The following MID2 variants were observed in gnomAD, a reference collection of about 807,000 sequenced individuals.
MID2 encodes probable E3 ubiquitin-protein ligase MID2.
A neutral mutation model predicts 46.1 loss-of-function variants in MID2; 13 were observed. The observed-to-expected ratio is 0.28, with a 90% CI of 0.18 to 0.45. The LOEUF (loss-of-function observed/expected upper bound fraction) is 0.45. Among genes scored for constraint, MID2 ranks in the 20% least tolerant of loss-of-function variants. The pLI is 1.00. For missense variants in MID2, 431 were observed against 575.4 expected (o/e 0.75, Z 2.57); for synonymous variants, 199 against 212.3 (o/e 0.94, Z 0.55).
At chrX:107,913,509 T>C (rs910819178) in intron 5 of MID2, among the ~76,000 whole-genome samples, 5 of 112,623 alleles carry the variant, frequency 4.4e-5, no homozygotes, top group African/African-American at 1.6e-4. Flanking sequence ...TATGTATCAA[T>C]TTCAATCCTA....
At chrX:107,893,025 T>C (rs1932637527) in intron 3 of MID2, among the ~76,000 whole-genome samples, 1 of 112,576 alleles carries the variant, frequency 8.9e-6, no homozygotes, top group Non-Finnish European at 1.9e-5. Context: ...AACAGTAAAA[T>C]TTGTTCAATG....
intron 1 of MID2, among the ~76,000 whole-genome samples, chrX:107,828,301 C>CTTTCT (rs1434201602): frequency 5.4e-5 from 5 of 92,703 alleles, no homozygotes; most frequent in African/African-American, 2.5e-4. Context: ...TCTTTTCTTT[C>CTTTCT]TTTCTTTTCT....
chrX:107,832,668 A>T (rs746811778), intron 1 of MID2, among the ~76,000 whole-genome samples: 1 of 111,430 alleles, frequency 9.0e-6, no homozygotes, highest in South Asian at 3.9e-4. Context: ...CTGTATTATG[A>T]GGGTCAAATG....
At chrX:107,871,455 C>T (rs976467857) in intron 3 of MID2, among the ~76,000 whole-genome samples, 10 of 111,698 alleles carry the variant, frequency 9.0e-5, no homozygotes, top group African/African-American at 3.3e-4. Context: ...TCCTGAAGCT[C>T]CAGAAAGAGT....
At chrX:107,837,623 A>T (rs1241690411) in intron 1 of MID2, among the ~76,000 whole-genome samples, 2 of 110,820 alleles carry the variant, frequency 1.8e-5, no homozygotes, top group African/African-American at 3.3e-5. Context: ...TGTCTTGTAA[A>T]TGGTCCAGAT....
At chrX:107,870,567 A>G (rs1294522354) in intron 3 of MID2, among the ~76,000 whole-genome samples, 1 of 111,521 alleles carries the variant, frequency 9.0e-6, no homozygotes, top group Non-Finnish European at 1.9e-5. Context: ...TTTTAAAATC[A>G]TGTGGTATAC....
At chrX:107,852,840 C>T (rs1175931062) in intron 2 of MID2, among the ~76,000 whole-genome samples, 1 of 111,773 alleles carries the variant, frequency 8.9e-6, no homozygotes, top group East Asian at 2.8e-4. Context: ...TCCCCCACAT[C>T]CCCCCATCCA....
chrX:107,832,020 TTGATACTCATTTTAATGTTTATA>T (rs1022819779), intron 1 of MID2, among the ~76,000 whole-genome samples: 2 of 112,730 alleles, frequency 1.8e-5, no homozygotes, highest in African/African-American at 6.4e-5. Context: ...TTCTGCTATT[TTGATACTCATTTTAATGTTTATA>T]TGATGACTAT....
intron 3 of MID2, among the ~76,000 whole-genome samples, chrX:107,867,143 T>G (rs1218097414): frequency 9.0e-6 from 1 of 111,522 alleles, no homozygotes; most frequent in African/African-American, 3.3e-5. Flanking sequence ...GTGTTTTTTG[T>G]TTTTTGTTTT....
At position 107,930,406 on chromosome X, in the gene MID2, T is replaced by C. The variant is rs1400125923; in HGVS notation, c.*3333T>C. 8.9e-6 allele frequency among the ~76,000 whole-genome samples: 1 copy of C among 112,028 alleles called. No homozygotes were observed. The highest frequency in any genetic ancestry group is 1.9e-5 in the Non-Finnish European group (1 of 53,173). ...TCTTTGGAGCATATGGCACCATTGTTTTCAGTAACATTTCAGTCTTGTCAA... is the reference window on the plus strand; with the variant it reads ...TCTTTGGAGCATATGGCACCATTGTCTTCAGTAACATTTCAGTCTTGTCAA... On this transcript the variant is annotated 3_prime_UTR_variant, in exon 10 of 10. Transcript: ENST00000262843.
At chrX:107,826,848 C>T (rs1159631967) in intron 1 of MID2, among the ~76,000 whole-genome samples, 1 of 113,632 alleles carries the variant, frequency 8.8e-6, no homozygotes, top group African/African-American at 3.2e-5. Flanking sequence ...GGCGTCGCCC[C>T]TTGGCCGGCC....
chrX:107,858,225 C>T (rs1199204006), intron 3 of MID2, among the ~76,000 whole-genome samples: 1 of 111,876 alleles, frequency 8.9e-6, no homozygotes. Flanking sequence ...TCTGCTGCGG[C>T]TGGAGAGCAT....
At chrX:107,881,292 T>C (rs1932311812) in intron 3 of MID2, among the ~76,000 whole-genome samples, 1 of 112,637 alleles carries the variant, frequency 8.9e-6, no homozygotes, top group Non-Finnish European at 1.9e-5. Flanking sequence ...GTGGGCATAG[T>C]ACCCCTGTTA....
chrX:107,874,234 T>G (rs1453956471), intron 3 of MID2, among the ~76,000 whole-genome samples: 2 of 111,770 alleles, frequency 1.8e-5, no homozygotes, highest in South Asian at 7.6e-4. Flanking sequence ...TGGCTGGATT[T>G]AGGGAGGGAC....
chrX:107,905,828 A>G (rs1932831400), intron 5 of MID2, among the ~76,000 whole-genome samples: 1 of 111,950 alleles, frequency 8.9e-6, no homozygotes, highest in Non-Finnish European at 1.9e-5. Flanking sequence ...CTTTTAAGGC[A>G]CAGTCAAGTA....
intron 3 of MID2, among the ~76,000 whole-genome samples, chrX:107,855,165 A>G (rs1291702377): frequency 1.8e-5 from 2 of 110,889 alleles, no homozygotes; most frequent in African/African-American, 6.6e-5. Context: ...CCCCCTCTTC[A>G]TCCCCTGCCC....
Position 107,886,313 on chromosome X carries a change from A to G in MID2, c.817-17645A>G, listed in dbSNP as rs1466388878. Among the ~76,000 whole-genome samples the G allele has an allele frequency of 2.7e-5, 3 of 112,124 alleles. No individual in the cohort carries two copies. The East Asian group carries it at 8.3e-4, about 31-fold the overall frequency. On this transcript the variant is annotated intron_variant, in intron 3 of 9. Coordinates refer to ENST00000262843, the MANE Select transcript of MID2 (RefSeq NM_012216.4). Reference sequence around the variant, plus strand: ...TTAATTTTTGTATAAGGTGTAAGGAAGGGATCCAGTTTCAGCTTTCTACCT... The same window carrying G: ...TTAATTTTTGTATAAGGTGTAAGGAGGGGATCCAGTTTCAGCTTTCTACCT...
rs1933280864 is a variant in MID2, at chrX:107,931,442, G to T, written c.*4369G>T. On this transcript the variant is annotated 3_prime_UTR_variant, in exon 10 of 10. Coordinates refer to ENST00000262843, the MANE Select transcript of MID2 (RefSeq NM_012216.4). ...TTGTTATTGGCTAGACTATTTATTAGACTATTGTTGGACTATTTTTTATCA... is the reference window on the plus strand; with the variant it reads ...TTGTTATTGGCTAGACTATTTATTATACTATTGTTGGACTATTTTTTATCA... Among the ~76,000 whole-genome samples, 1 of 111,406 alleles carries T rather than the reference G, an allele frequency of 9.0e-6. No individual in the cohort carries two copies. Among genetic ancestry groups the T allele is most frequent in the Admixed American group, 9.5e-5 (1 of 10,482 alleles).
At chrX:107,915,762 C>T (rs755951744) in intron 5 of MID2, among the ~76,000 whole-genome samples, 10 of 111,101 alleles carry the variant, frequency 9.0e-5, no homozygotes, top group South Asian at 3.8e-4. Context: ...AAATTAAGAC[C>T]GGATGGGGGA....
Sources: allele counts gnomAD v4.1 joint callset (sites outside exome capture counted in the v4.1 genomes callset), GRCh38; gene constraint gnomAD v4.1.1; transcripts MANE v1.5; gene names NCBI Gene and HGNC (gene_info 2026-07-23, HGNC 2026-07-21).